The following DARS1 variants were observed in gnomAD, a reference collection of about 807,000 sequenced individuals.
The protein encoded by DARS1 is aspartate--tRNA ligase, cytoplasmic.
In DARS1, 51 loss-of-function variants were observed where a neutral mutation model predicts 68.8. The observed-to-expected ratio is 0.74, with a 90% CI of 0.59 to 0.94. The LOEUF (loss-of-function observed/expected upper bound fraction) is 0.94. Among genes scored for constraint, DARS1 ranks in the 40% least tolerant of loss-of-function variants. The pLI, the probability that DARS1 is intolerant of heterozygous loss-of-function variation, is 0.00. For missense variants in DARS1, 607 were observed against 597.3 expected (o/e 1.02, Z -0.17); for synonymous variants, 203 against 190.4 (o/e 1.07, Z -0.55).
intron 1 of DARS1, 114 bp from the exon 2 acceptor site, chr2:135,983,568 A>T: frequency 3.6e-6 from 2 of 549,418 alleles, no homozygotes; most frequent in Non-Finnish European, 6.4e-6. Flanking sequence ...GGATCATTTT[A>T]TTAATTCAGA....
At chr2:135,914,755 T>C in intron 11 of DARS1, 1 of 369,072 alleles carries the variant, frequency 2.7e-6, no homozygotes, top group Admixed American at 4.1e-5. Context: ...ATAAACAGAA[T>C]ATAGCAATTC....
At chr2:135,954,128 C>T (rs1445809038) in intron 4 of DARS1, among the ~76,000 whole-genome samples, 5 of 151,480 alleles carry the variant, frequency 3.3e-5, no homozygotes, top group African/African-American at 9.7e-5. Context: ...CAGTGTCTAG[C>T]TAACAAACTG....
chr2:135,976,547 T>C (rs1321154506), intron 3 of DARS1, among the ~76,000 whole-genome samples: 3 of 152,150 alleles, frequency 2.0e-5, no homozygotes, highest in Non-Finnish European at 4.4e-5. Flanking sequence ...CACCTTGCAA[T>C]TTGTTTCATG....
intron 15 of DARS1, among the ~76,000 whole-genome samples, chr2:135,910,090 A>G (rs1045904692): frequency 2.0e-5 from 3 of 152,142 alleles, no homozygotes; most frequent in Non-Finnish European, 4.4e-5. Flanking sequence ...GGTCATTTCT[A>G]TATCTTGGCT....
chr2:135,964,266 T>C (rs1035964359), intron 3 of DARS1, among the ~76,000 whole-genome samples: 8 of 152,208 alleles, frequency 5.3e-5, no homozygotes, highest in East Asian at 1.9e-4. Context: ...GGTGAAATTA[T>C]AGGAAATTGT....
At chr2:135,963,945 T>G (rs1001803264) in intron 3 of DARS1, among the ~76,000 whole-genome samples, 2 of 152,170 alleles carry the variant, frequency 1.3e-5, no homozygotes, top group African/African-American at 2.4e-5. Context: ...CCTCCCAAAG[T>G]GCCGGGATTA....
intron 2 of DARS1, among the ~76,000 whole-genome samples, chr2:135,981,867 A>G (rs1211409241): frequency 1.3e-5 from 2 of 151,858 alleles, no homozygotes; most frequent in Non-Finnish European, 2.9e-5. Context: ...GGGTCTCACT[A>G]TGTTTCCCAG....
intron 7 of DARS1, among the ~76,000 whole-genome samples, chr2:135,929,662 T>G (rs1235980758): frequency 6.6e-6 from 1 of 152,180 alleles, no homozygotes; most frequent in Non-Finnish European, 1.5e-5. Flanking sequence ...CAGGATAATC[T>G]CTTATACTAC....
intron 3 of DARS1, among the ~76,000 whole-genome samples, chr2:135,974,877 T>C (rs953484915): frequency 6.6e-6 from 1 of 152,104 alleles, no homozygotes; most frequent in African/African-American, 2.4e-5. Flanking sequence ...GAACAAACAA[T>C]ATATAAAAGA....
chr2:135,957,977 A>G (rs2104831003), intron 4 of DARS1, among the ~76,000 whole-genome samples: 2 of 152,336 alleles, frequency 1.3e-5, no homozygotes, highest in Middle Eastern at 6.8e-3. Context: ...TAAAGCTTGT[A>G]GCCTTAGAGC....
In DARS1 at chr2:135,932,783, C is replaced by T; in HGVS notation, c.564G>A (p.Arg188=). 2 of 1,230,812 alleles carry T rather than the reference C, an allele frequency of 1.6e-6. No homozygotes were observed. Among genetic ancestry groups the T allele is most frequent in the Middle Eastern group, 1.9e-4 (1 of 5,282 alleles). 76.2% of individuals were successfully genotyped at this position (1,230,812 alleles called of 1,614,324 possible). The change falls in exon 7 of 16, where the codon AGG becomes AGA. Residue 188 remains arginine, a splice_region_variant and synonymous_variant. Transcript: ENST00000264161. ...TRLDNRVIDL[R]TSTSQAVFRL... is the part of the protein sequence containing the mutation. ...CACTTAATAAATAAATGAGGCATAC[C>T]CTAAGATCAATGACTCTGTTGTCTA... is the stretch of plus-strand genomic sequence containing the variant.
rs1364717922 is a variant in DARS1 at position 135,943,416 on chromosome 2, T to C, written c.385A>G (p.Ser129Gly). 1 of 1,613,764 alleles carries C rather than the reference T, an allele frequency of 6.2e-7. No homozygotes were observed. Among genetic ancestry groups the C allele is most frequent in the Non-Finnish European group, 8.5e-7 (1 of 1,179,860 alleles). Residue 129 changes from serine (S) to glycine (G), a missense_variant, in exon 5 of 16, where the codon AGC (serine) becomes GGC (glycine). Coordinates refer to ENST00000264161, the MANE Select transcript of DARS1 (RefSeq NM_001349.4). ...VVRKVNQKIGSCTQQDVELHV... is the reference protein window; with the variant it reads ...VVRKVNQKIGGCTQQDVELHV... ...AACTCAACGTCTTGCTGTGTACAGC[T>C]TCCAATTTTCTGATTCACTTTTCTC...
At chr2:135,935,600 G>A (rs949280686) in intron 5 of DARS1, among the ~76,000 whole-genome samples, 13 of 151,592 alleles carry the variant, frequency 8.6e-5, no homozygotes, top group Non-Finnish European at 1.8e-4. Context: ...ACTCTGTCTC[G>A]AAAAAATAAA....
At chr2:135,937,896 C>T (rs1195348252) in intron 5 of DARS1, among the ~76,000 whole-genome samples, 3 of 152,186 alleles carry the variant, frequency 2.0e-5, no homozygotes, top group African/African-American at 2.4e-5. Flanking sequence ...GCGGGTAACC[C>T]GAGCTTTCTC....
chr2:135,959,107 C>T (rs1452675768), intron 4 of DARS1, among the ~76,000 whole-genome samples: 1 of 151,880 alleles, frequency 6.6e-6, no homozygotes, highest in African/African-American at 2.4e-5. Flanking sequence ...AAAGATCACC[C>T]ATGGCCGGCT....
At chr2:135,932,127 G>A (rs1244058402) in intron 7 of DARS1, among the ~76,000 whole-genome samples, 1 of 152,104 alleles carries the variant, frequency 6.6e-6, no homozygotes, top group African/African-American at 2.4e-5. Flanking sequence ...CTCACATGAT[G>A]GTAGAATAGC....
chr2:135,980,115 G>A (rs1682587448), intron 2 of DARS1, among the ~76,000 whole-genome samples: 1 of 152,186 alleles, frequency 6.6e-6, no homozygotes, highest in African/African-American at 2.4e-5. Flanking sequence ...CATGCTTGAT[G>A]TCATCTCATA....
intron 2 of DARS1, among the ~76,000 whole-genome samples, chr2:135,982,794 G>A (rs1323104208): frequency 1.3e-5 from 2 of 152,120 alleles, no homozygotes; most frequent in Non-Finnish European, 2.9e-5. Context: ...GAAGATGTAA[G>A]ATGGAAGGAC....
At chr2:135,959,673 C>CT (rs1682059923) in intron 4 of DARS1, among the ~76,000 whole-genome samples, 1 of 152,028 alleles carries the variant, frequency 6.6e-6, no homozygotes, top group South Asian at 2.1e-4. Flanking sequence ...TTGCGGAGTA[C>CT]TTTAACGTGT....
Sources: allele counts gnomAD v4.1 joint callset (sites outside exome capture counted in the v4.1 genomes callset), GRCh38; gene constraint gnomAD v4.1.1; transcripts MANE v1.5; gene names NCBI Gene and HGNC (gene_info 2026-07-23, HGNC 2026-07-21).